The following NRG1 variants were observed in gnomAD, a reference collection of about 807,000 sequenced individuals.
The protein encoded by NRG1 is pro-neuregulin-1, membrane-bound isoform.
In NRG1, 18 loss-of-function variants were observed where a neutral mutation model predicts 63.8. The ratio of observed to expected loss-of-function variants is 0.28; its 90% CI spans 0.19 to 0.42. The LOEUF (loss-of-function observed/expected upper bound fraction) is 0.42, where lower values mean the gene tolerates loss of function less well. Ranked by LOEUF, NRG1 falls within the 10% of genes least tolerant of loss-of-function variation. The probability of loss-of-function intolerance (pLI) is 1.00; values close to 1 mark genes in which losing one functional copy is unlikely to be tolerated. For synonymous variants in NRG1, 302 were observed against 301.3 expected (o/e 1.00, Z -0.02); for missense variants, 762 against 814.7 (o/e 0.94, Z 0.79).
intron 1 of NRG1, among the ~76,000 whole-genome samples, chr8:31,934,553 G>A (rs990015486): frequency 1.3e-5 from 2 of 150,338 alleles, no homozygotes; most frequent in African/African-American, 2.5e-5. Flanking sequence ...AGCCTCCCAA[G>A]TAGCTGGGAT....
chr8:32,272,420 G>A (rs1342481041), intron 1 of NRG1, among the ~76,000 whole-genome samples: 4 of 152,268 alleles, frequency 2.6e-5, no homozygotes, highest in East Asian at 3.9e-4. Flanking sequence ...GGGAGTTAGG[G>A]CTTCAACCCA....
chr8:31,911,709 G>T (rs28712850), intron 1 of NRG1, among the ~76,000 whole-genome samples: 29,630 of 152,080 alleles, frequency 0.19, 4,058 homozygotes, highest in African/African-American at 0.38. Flanking sequence ...ACCTGCACAT[G>T]TACCTCTGAA....
chr8:31,908,401 G>A (rs780055244), intron 1 of NRG1, among the ~76,000 whole-genome samples: 14 of 152,268 alleles, frequency 9.2e-5, no homozygotes, highest in Middle Eastern at 3.4e-3. Flanking sequence ...AATCTTGTTA[G>A]GGCTCCATTT....
chr8:32,176,672 T>G (rs896443447), intron 1 of NRG1, among the ~76,000 whole-genome samples: 43 of 152,194 alleles, frequency 2.8e-4, no homozygotes, highest in African/African-American at 1.0e-3. Context: ...GTGAAGGATA[T>G]GAACAGACAC....
intron 1 of NRG1, among the ~76,000 whole-genome samples, chr8:32,438,757 G>T (rs1819109376): frequency 6.6e-6 from 1 of 151,980 alleles, no homozygotes; most frequent in African/African-American, 2.4e-5. Context: ...GCTCATTTTG[G>T]TTTTACTTTG....
At chr8:31,678,612 A>C (rs1359123482) in intron 1 of NRG1, among the ~76,000 whole-genome samples, 1 of 151,374 alleles carries the variant, frequency 6.6e-6, no homozygotes, top group Non-Finnish European at 1.5e-5. Context: ...TTCTGATGAC[A>C]TTTACTTTGA....
chr8:31,894,118 AG>A (rs769421568), intron 1 of NRG1, among the ~76,000 whole-genome samples: 8 of 152,186 alleles, frequency 5.3e-5, no homozygotes, highest in Non-Finnish European at 7.4e-5. Flanking sequence ...ACAGAAAGAA[AG>A]AAAGGTAATG....
At chr8:32,111,195 C>G (rs1315220604) in intron 1 of NRG1, among the ~76,000 whole-genome samples, 1 of 152,134 alleles carries the variant, frequency 6.6e-6, no homozygotes, top group Non-Finnish European at 1.5e-5. Flanking sequence ...TGGCTCACTG[C>G]AACCTCTGCC....
chr8:31,738,696 G>A (rs1274412533), intron 1 of NRG1, among the ~76,000 whole-genome samples: 1 of 152,034 alleles, frequency 6.6e-6, no homozygotes, highest in Non-Finnish European at 1.5e-5. Context: ...GGTTCTGGCA[G>A]ATCCTTCCTT....
At chr8:32,381,001 A>C (rs1324341081) in intron 1 of NRG1, among the ~76,000 whole-genome samples, 2 of 152,194 alleles carry the variant, frequency 1.3e-5, no homozygotes, top group Non-Finnish European at 2.9e-5. Context: ...ATGTAACGCT[A>C]GATCTTATTT....
chr8:32,550,479 T>C (rs970118879), intron 1 of NRG1, among the ~76,000 whole-genome samples: 2 of 152,162 alleles, frequency 1.3e-5, no homozygotes, highest in African/African-American at 4.8e-5. Flanking sequence ...TCCCTGCTCA[T>C]TGGCTTCAGA....
chr8:32,217,213 CAAAAAAAAAAAAAAAAA>C (rs538507645), intron 1 of NRG1, among the ~76,000 whole-genome samples: 1 of 101,166 alleles, frequency 9.9e-6, no homozygotes, highest in Non-Finnish European at 1.9e-5. Flanking sequence ...GACCCTGTCT[CAAAAAAAAAAAAAAAAA>C]AAAAAAAAAA....
At chr8:32,284,489 G>GCCTGCCTTCCTTCCTTCCTTCCTTCCTT (rs1338557078) in intron 1 of NRG1, among the ~76,000 whole-genome samples, 114 of 132,592 alleles carry the variant, frequency 8.6e-4, no homozygotes, top group Non-Finnish European at 9.2e-4. Context: ...CTGCCTGCCT[G>GCCTGCCTTCCTTCCTTCCTTCCTTCCTT]CCTTCCTTCC....
intron 1 of NRG1, among the ~76,000 whole-genome samples, chr8:32,521,112 C>T (rs113209372): frequency 3.1e-4 from 47 of 152,118 alleles, no homozygotes; most frequent in Middle Eastern, 3.4e-3. Flanking sequence ...TAGGTATGCA[C>T]GTATAGGTAA....
At position 32,028,596 on chromosome 8, in the gene NRG1, T is replaced by A. The variant is rs1817812808; in HGVS notation, c.37+389165T>A. Among the ~76,000 whole-genome samples the A allele has an allele frequency of 2.0e-5, 3 of 152,204 alleles. No individual in the cohort carries two copies. The South Asian group carries it at 6.2e-4, about 31-fold the overall frequency. The stretch of plus-strand genomic sequence containing the variant: ...TTCAGGTCATCTTATAGTAGTGTAC[T>A]GAATAACTGAATGTTAAATGTCTTG... On this transcript the variant is annotated intron_variant, in intron 1 of 10. Transcript: ENST00000519301.
chr8:31,893,908 G>A (rs933316872), intron 1 of NRG1, among the ~76,000 whole-genome samples: 2 of 152,000 alleles, frequency 1.3e-5, no homozygotes, highest in Non-Finnish European at 2.9e-5. Flanking sequence ...TTAAATTGGT[G>A]TCAAGTTCTG....
chr8:32,612,793 A>G (rs1846597029), intron 3 of NRG1, among the ~76,000 whole-genome samples: 1 of 151,990 alleles, frequency 6.6e-6, no homozygotes, highest in Non-Finnish European at 1.5e-5. Context: ...CTAGTTGAGC[A>G]CCTTGGGTTT....
chr8:31,803,985 C>A (rs1413254912), intron 1 of NRG1, among the ~76,000 whole-genome samples: 1 of 152,160 alleles, frequency 6.6e-6, no homozygotes, highest in Non-Finnish European at 1.5e-5. Context: ...CCCCAGCTAC[C>A]CTGCCGAATA....
chr8:32,661,189 T>TTCTCC (rs759782893), intron 5 of NRG1, among the ~76,000 whole-genome samples: 26 of 152,346 alleles, frequency 1.7e-4, no homozygotes, highest in Non-Finnish European at 3.1e-4. Flanking sequence ...CAATCATATA[T>TTCTCC]GTGTATATCT....
Sources: allele counts gnomAD v4.1 joint callset (sites outside exome capture counted in the v4.1 genomes callset), GRCh38; gene constraint gnomAD v4.1.1; transcripts MANE v1.5; gene names NCBI Gene and HGNC (gene_info 2026-07-23, HGNC 2026-07-21).